MARCHF1: variants seen among roughly 807,000 people sequenced by gnomAD.
MARCHF1 encodes E3 ubiquitin-protein ligase MARCHF1.
In MARCHF1, 40 loss-of-function variants were observed where a neutral mutation model predicts 54.2. The observed-to-expected ratio is 0.74, with a 90% CI of 0.57 to 0.96. MARCHF1 has a LOEUF of 0.96. Ranked by LOEUF, MARCHF1 falls within the 40% of genes least tolerant of loss-of-function variation. The probability of loss-of-function intolerance (pLI) is 0.00; values close to 1 mark genes in which losing one functional copy is unlikely to be tolerated. For missense variants in MARCHF1, 586 were observed against 656.5 expected, an observed-to-expected ratio of 0.89 and a Z score of 1.17; for synonymous variants, 236 against 236.3, an observed-to-expected ratio of 1.00 and a Z score of 0.01.
chr4:164,016,449 C>A (rs894047842), intron 2 of MARCHF1, among the ~76,000 whole-genome samples: 2 of 152,022 alleles, frequency 1.3e-5, no homozygotes, highest in African/African-American at 4.8e-5. Context: ...GGTGGGGACA[C>A]AAAACCTAAC....
At chr4:164,090,068 T>C (rs1755268492) in intron 2 of MARCHF1, among the ~76,000 whole-genome samples, 1 of 152,038 alleles carries the variant, frequency 6.6e-6, no homozygotes, top group East Asian at 1.9e-4. Flanking sequence ...AACAGATAAA[T>C]AGGCAAAGCA....
At chr4:164,273,331 T>C (rs2111314595) in intron 1 of MARCHF1, among the ~76,000 whole-genome samples, 1 of 152,262 alleles carries the variant, frequency 6.6e-6, no homozygotes, top group Admixed American at 6.5e-5. Context: ...GAACTCACTA[T>C]CACAAGAAGA....
intron 1 of MARCHF1, among the ~76,000 whole-genome samples, chr4:164,165,014 A>C (rs1395325663): frequency 1.3e-5 from 2 of 152,034 alleles, no homozygotes; most frequent in African/African-American, 4.8e-5. Flanking sequence ...ATGTCAGTGC[A>C]ATGTGGAGAA....
chr4:164,173,116 T>C lies in MARCHF1; in HGVS notation c.-322-61454A>G, dbSNP rs559004883. On this transcript the variant is annotated intron_variant, in intron 1 of 9. Transcript: ENST00000514618. ...GAAACCAAATACGTATTTCCAAATA[T>C]TTAAGTTTTGCATTTAAATCAACAC... is the stretch of plus-strand genomic sequence containing the variant. 5.1e-4 allele frequency among the ~76,000 whole-genome samples: 77 copies of C among 152,324 alleles called. 1 individual carries two copies. Among genetic ancestry groups the C allele is most frequent in the African/African-American group, 1.8e-3 (74 of 41,580 alleles).
intron 4 of MARCHF1, among the ~76,000 whole-genome samples, chr4:163,750,755 A>T (rs1436226279): frequency 6.6e-6 from 1 of 152,130 alleles, no homozygotes; most frequent in East Asian, 1.9e-4. Flanking sequence ...GGACAACTTA[A>T]TTCTTGAACA....
In MARCHF1 at chr4:163,965,603, C is replaced by T. The variant is rs1752427367; in HGVS notation, c.-39+22898G>A. Among the ~76,000 whole-genome samples, 4 of 152,156 alleles carry T rather than the reference C, an allele frequency of 2.6e-5. No homozygotes were observed. The South Asian group carries it at 8.3e-4, about 32-fold the overall frequency. ...GGACCCAGACTTATCTCTGTCTTGT[C>T]TCTAGTACTACTGTACATGACATTT... On this transcript the variant is annotated intron_variant, in intron 3 of 9. Transcript: ENST00000514618.
chr4:163,843,732 T>A (rs1278657955), intron 4 of MARCHF1, among the ~76,000 whole-genome samples: 1 of 152,000 alleles, frequency 6.6e-6, no homozygotes, highest in African/African-American at 2.4e-5. Context: ...GTTGTTCTTC[T>A]CCTTGTGTCC....
At chr4:163,941,566 T>C (rs552921527) in intron 3 of MARCHF1, among the ~76,000 whole-genome samples, 74 of 152,254 alleles carry the variant, frequency 4.9e-4, no homozygotes, top group African/African-American at 1.3e-3. Flanking sequence ...TGTGACCTTT[T>C]TGGGTCCTTC....
intron 3 of MARCHF1, among the ~76,000 whole-genome samples, chr4:163,889,300 C>G (rs1323638448): frequency 6.6e-6 from 1 of 152,120 alleles, no homozygotes; most frequent in Admixed American, 6.5e-5. Flanking sequence ...TTCATCTCCA[C>G]TCTTGAGATG....
At chr4:163,836,366 C>T (rs1489186159) in intron 4 of MARCHF1, among the ~76,000 whole-genome samples, 4 of 150,248 alleles carry the variant, frequency 2.7e-5, no homozygotes, top group Non-Finnish European at 4.4e-5. Context: ...CTGCCTCAGC[C>T]TCCTGAATAG....
intron 1 of MARCHF1, among the ~76,000 whole-genome samples, chr4:164,123,383 G>A (rs999785763): frequency 5.3e-5 from 8 of 152,066 alleles, no homozygotes; most frequent in African/African-American, 1.2e-4. Context: ...CCATACTACC[G>A]AAAGCAATCT....
chr4:163,720,746 C>T (rs1051189154), intron 4 of MARCHF1, among the ~76,000 whole-genome samples: 1 of 152,182 alleles, frequency 6.6e-6, no homozygotes, highest in Non-Finnish European at 1.5e-5. Context: ...TCCTTCACAT[C>T]CCTTGTAAGT....
At chr4:163,961,881 T>A (rs1752351861) in intron 3 of MARCHF1, among the ~76,000 whole-genome samples, 1 of 151,944 alleles carries the variant, frequency 6.6e-6, no homozygotes. Context: ...GAAGAGCATA[T>A]TATTATTTTG....
intron 4 of MARCHF1, among the ~76,000 whole-genome samples, chr4:163,848,368 C>T (rs1039551062): frequency 2.0e-5 from 3 of 152,046 alleles, no homozygotes; most frequent in African/African-American, 7.2e-5. Context: ...CTTTGTAACT[C>T]CAGTCTATTT....
chr4:163,596,186 C>T (rs958916166), intron 7 of MARCHF1, among the ~76,000 whole-genome samples: 2 of 151,964 alleles, frequency 1.3e-5, no homozygotes, highest in East Asian at 3.9e-4. Context: ...AGGAAGAGAG[C>T]AAAGGATGGA....
At chr4:163,938,649 TTATGAAGAA>T (rs577578432) in intron 3 of MARCHF1, among the ~76,000 whole-genome samples, 252 of 152,278 alleles carry the variant, frequency 1.7e-3, no homozygotes, top group African/African-American at 5.9e-3. Context: ...TTTCATGCTG[TTATGAAGAA>T]ATACCCCAGG....
At chr4:163,780,341 C>A (rs1462688541) in intron 4 of MARCHF1, among the ~76,000 whole-genome samples, 1 of 152,174 alleles carries the variant, frequency 6.6e-6, no homozygotes, top group Admixed American at 6.5e-5. Flanking sequence ...GACAGGAATC[C>A]TTATCTTTGT....
At chr4:163,882,008 CATAA>C (rs953547129) in intron 3 of MARCHF1, among the ~76,000 whole-genome samples, 3 of 152,184 alleles carry the variant, frequency 2.0e-5, no homozygotes, top group African/African-American at 7.2e-5. Flanking sequence ...AAGAAAGCTA[CATAA>C]ATAGTGAATG....
At chr4:163,836,089 C>T (rs913764142) in intron 4 of MARCHF1, among the ~76,000 whole-genome samples, 14 of 152,042 alleles carry the variant, frequency 9.2e-5, no homozygotes, top group Non-Finnish European at 1.9e-4. Context: ...GAATGAAGTA[C>T]GTACTTCTTT....
Sources: gnomAD v4.1 joint callset for allele counts (sites outside exome capture counted in the v4.1 genomes callset) on GRCh38, gnomAD v4.1.1 for gene constraint, MANE v1.5 for transcripts, NCBI Gene and HGNC (gene_info 2026-07-23, HGNC 2026-07-21) for gene names.